The following DOCK1 variants were observed in gnomAD, a reference collection of about 807,000 sequenced individuals.
The protein encoded by DOCK1 is dedicator of cytokinesis 1.
A neutral mutation model predicts 262.7 loss-of-function variants in DOCK1; 138 were observed. The observed-to-expected ratio is 0.53, with a 90% CI of 0.46 to 0.61. The LOEUF (loss-of-function observed/expected upper bound fraction) is 0.61. Among genes scored for constraint, DOCK1 ranks in the 20% least tolerant of loss-of-function variants. The probability of loss-of-function intolerance (pLI) is 0.00; values close to 1 mark genes in which losing one functional copy is unlikely to be tolerated. For synonymous variants in DOCK1, 866 were observed against 867.4 expected (o/e 1.00, Z 0.03); for missense variants, 1,908 against 2,370.7 (o/e 0.80, Z 4.05).
intron 27 of DOCK1, among the ~76,000 whole-genome samples, chr10:127,214,272 C>G (rs181244152): frequency 3.3e-5 from 5 of 152,178 alleles, no homozygotes; most frequent in South Asian, 2.1e-4. Flanking sequence ...TAGCTCCCCC[C>G]GCCCAGCTGT....
intron 27 of DOCK1, among the ~76,000 whole-genome samples, chr10:127,189,862 A>AT (rs2056586470): frequency 6.6e-6 from 1 of 151,500 alleles, no homozygotes; most frequent in South Asian, 2.1e-4. Flanking sequence ...GCTGTCATTG[A>AT]TTTTTAAAAT....
intron 27 of DOCK1, among the ~76,000 whole-genome samples, chr10:127,169,748 C>A (rs2133813873): frequency 6.6e-6 from 1 of 152,244 alleles, no homozygotes; most frequent in Middle Eastern, 3.4e-3. Context: ...TGACCCTGAG[C>A]CCCTGCAGTA....
At chr10:126,960,728 A>ATG (rs1383628014) in intron 1 of DOCK1, among the ~76,000 whole-genome samples, 3 of 134,270 alleles carry the variant, frequency 2.2e-5, no homozygotes, top group African/African-American at 6.2e-5. Flanking sequence ...CCTCAAATAT[A>ATG]TATATATATA....
intron 27 of DOCK1, among the ~76,000 whole-genome samples, chr10:127,181,348 C>T (rs191765448): frequency 1.3e-5 from 2 of 152,282 alleles, no homozygotes; most frequent in East Asian, 3.9e-4. Context: ...TGTGGGGTTC[C>T]ATTAGCTGCC....
chr10:127,064,975 A>T (rs903096051), intron 23 of DOCK1, among the ~76,000 whole-genome samples: 8 of 152,158 alleles, frequency 5.3e-5, no homozygotes, highest in Non-Finnish European at 1.2e-4. Flanking sequence ...ACCTCATGGA[A>T]GTGGACTCAT....
At chr10:127,444,387 T>A in intron 50 of DOCK1, 108 bp downstream of exon 50, 1 of 1,339,824 alleles carries the variant, frequency 7.5e-7, no homozygotes, top group Non-Finnish European at 1.0e-6. Flanking sequence ...CAGCAGAGGG[T>A]GGGAGTTTAG....
chr10:127,117,341 T>C (rs1271357544), intron 25 of DOCK1, among the ~76,000 whole-genome samples: 5 of 152,220 alleles, frequency 3.3e-5, no homozygotes, highest in Non-Finnish European at 5.9e-5. Flanking sequence ...GCCGTGGTGC[T>C]GATTGAGGAG....
intron 27 of DOCK1, among the ~76,000 whole-genome samples, chr10:127,239,318 CTA>C (rs1443033984): frequency 1.3e-5 from 2 of 152,066 alleles, no homozygotes; most frequent in African/African-American, 2.4e-5. Context: ...AAAAGATTAT[CTA>C]TGTTTTTATT....
intron 28 of DOCK1, among the ~76,000 whole-genome samples, chr10:127,256,460 G>C (rs1316504): frequency 5.3e-4 from 80 of 152,202 alleles, no homozygotes; most frequent in Admixed American, 8.5e-4. Flanking sequence ...GACAGTTCTC[G>C]GTTGTCTTTT....
At chr10:126,929,479 A>T (rs2034021384) in intron 1 of DOCK1, among the ~76,000 whole-genome samples, 1 of 151,990 alleles carries the variant, frequency 6.6e-6, no homozygotes, top group African/African-American at 2.4e-5. Flanking sequence ...GGGGCTCAGT[A>T]CTCATGGTGG....
At chr10:127,098,798 T>C (rs2048062898) in intron 23 of DOCK1, among the ~76,000 whole-genome samples, 1 of 152,160 alleles carries the variant, frequency 6.6e-6, no homozygotes, top group South Asian at 2.1e-4. Flanking sequence ...AGATGTCCCC[T>C]GCTTCGTCTG....
At chr10:126,985,576 T>C (rs1008300114) in intron 4 of DOCK1, among the ~76,000 whole-genome samples, 4 of 152,106 alleles carry the variant, frequency 2.6e-5, no homozygotes, top group Non-Finnish European at 5.9e-5. Flanking sequence ...GTCGTTGAGC[T>C]CCAGGCTTCT....
intron 43 of DOCK1, among the ~76,000 whole-genome samples, chr10:127,414,347 C>T (rs1407611413): frequency 1.3e-5 from 2 of 152,156 alleles, no homozygotes; most frequent in South Asian, 2.1e-4. Context: ...CTAGACAGTA[C>T]GAACGAGGCA....
At chr10:127,041,873 C>T (rs1457467579) in intron 19 of DOCK1, among the ~76,000 whole-genome samples, 1 of 152,144 alleles carries the variant, frequency 6.6e-6, no homozygotes, top group African/African-American at 2.4e-5. Context: ...TCTGCCTCTT[C>T]TTGACCTTCT....
intron 25 of DOCK1, among the ~76,000 whole-genome samples, chr10:127,121,449 A>C (rs200236480): frequency 3.0e-5 from 1 of 33,782 alleles, no homozygotes; most frequent in Non-Finnish European, 9.2e-5. Context: ...TGTAGGGTAT[A>C]TGTATATGTG....
In DOCK1 at chr10:127,106,524, A is replaced by G. The variant is rs1469900096; in HGVS notation, c.2516+223A>G. ...TCAACTATGACAACATTTTTTAAGAAGATTGTTTACAGTCTAATTGGTATA... is the reference window on the plus strand; with the variant it reads ...TCAACTATGACAACATTTTTTAAGAGGATTGTTTACAGTCTAATTGGTATA... On this transcript the variant is annotated intron_variant, in intron 24 of 51. Transcript: ENST00000623213. Among the ~76,000 whole-genome samples the G allele has an allele frequency of 2.0e-5, 3 of 152,156 alleles. No homozygotes were observed. In the East Asian group the frequency reaches 5.8e-4, roughly 29 times the overall value.
At chr10:127,093,202 C>CTTTCTTTCTTTCTTTG (rs1554883891) in intron 23 of DOCK1, among the ~76,000 whole-genome samples, 9 of 129,560 alleles carry the variant, frequency 6.9e-5, no homozygotes, top group African/African-American at 1.1e-4. Context: ...TCTCCTTTTT[C>CTTTCTTTCTTTCTTTG]TTTCTTTCTT....
chr10:127,108,846 A>G (rs1039314014), intron 24 of DOCK1, among the ~76,000 whole-genome samples: 2 of 152,184 alleles, frequency 1.3e-5, no homozygotes, highest in East Asian at 1.9e-4. Context: ...CATAGGTTCT[A>G]TTGTTAGCCG....
At chr10:127,441,728 C>A (rs961589113) in intron 49 of DOCK1, among the ~76,000 whole-genome samples, 2 of 149,862 alleles carry the variant, frequency 1.3e-5, no homozygotes, top group African/African-American at 4.9e-5. Flanking sequence ...CCTCCTTGCC[C>A]TTCCCCCCTG....
Sources: gnomAD v4.1 joint callset for allele counts (sites outside exome capture counted in the v4.1 genomes callset) on GRCh38, gnomAD v4.1.1 for gene constraint, MANE v1.5 for transcripts, NCBI Gene and HGNC (gene_info 2026-07-23, HGNC 2026-07-21) for gene names.